HEXB: variants seen among roughly 807,000 people sequenced by gnomAD.
HEXB encodes the protein beta-hexosaminidase subunit beta.
Under a neutral mutation model 71.2 loss-of-function variants are expected in HEXB, and 51 were observed. The ratio of observed to expected loss-of-function variants is 0.72; its 90% CI spans 0.57 to 0.90. HEXB has a LOEUF of 0.90. Among genes scored for constraint, HEXB ranks in the 40% least tolerant of loss-of-function variants. The pLI is 0.00. For missense variants in HEXB, 617 were observed against 677.0 expected (o/e 0.91, Z 0.98); for synonymous variants, 266 against 249.3 (o/e 1.07, Z -0.63).
intron 1 of HEXB, among the ~76,000 whole-genome samples, chr5:74,668,801 T>A (rs1561207438): frequency 2.0e-5 from 3 of 152,244 alleles, no homozygotes. Flanking sequence ...CTATGAAGGA[T>A]TGTGTCTCCT....
At position 74,641,297 on chromosome 5, in the gene HEXB, C is replaced by A. The variant is rs1747873781; in HGVS notation, c.-377+739C>A. 6.6e-6 allele frequency: 1 copy of A among 152,432 alleles called. No homozygotes were observed. The highest frequency in any genetic ancestry group is 2.4e-5 in the African/African-American group (1 of 41,460). The allele number at this position is 152,432 out of a possible 1,614,324, so 9.4% of individuals were successfully genotyped here. A position where few individuals can be genotyped will look rare whatever the true frequency, so the allele number is the denominator to read the frequency against. On this transcript the variant is annotated intron_variant, in intron 1 of 13. Coordinates refer to the HEXB transcript ENST00000511181. The surrounding 1 kb of genome is among the most constrained non-coding windows in gnomAD (Gnocchi z 4.1). ...AAAGTCTGGACAGTTTAGGGACACTCGGGTTGAGCAAGCCAGGACGTTTAA... is the reference window on the plus strand; with the variant it reads ...AAAGTCTGGACAGTTTAGGGACACTAGGGTTGAGCAAGCCAGGACGTTTAA...
intron 6 of HEXB, among the ~76,000 whole-genome samples, chr5:74,706,610 G>T (rs369226613): frequency 1.7e-3 from 263 of 152,288 alleles, no homozygotes; most frequent in Non-Finnish European, 3.2e-3. Flanking sequence ...GTGCTTTTCC[G>T]ACGGGCTTAG....
At chr5:74,663,335 C>T (rs951249360) in intron 1 of HEXB, among the ~76,000 whole-genome samples, 6 of 151,668 alleles carry the variant, frequency 4.0e-5, no homozygotes, top group South Asian at 4.1e-4. Flanking sequence ...GGAGTACAGG[C>T]GCCCGCCACC....
At chr5:74,689,097 T>C (rs1748937063) in intron 1 of HEXB, among the ~76,000 whole-genome samples, 1 of 152,170 alleles carries the variant, frequency 6.6e-6, no homozygotes. Context: ...CATTTAAAAT[T>C]CCCATGCCTG....
chr5:74,691,832 T>C (rs923965160), intron 2 of HEXB, among the ~76,000 whole-genome samples: 1 of 152,202 alleles, frequency 6.6e-6, no homozygotes, highest in African/African-American at 2.4e-5. Flanking sequence ...GTATTTATGG[T>C]GCAAAAAGAT....
chr5:74,679,738 T>C (rs1018494716), intron 1 of HEXB, among the ~76,000 whole-genome samples: 2 of 136,688 alleles, frequency 1.5e-5, no homozygotes, highest in African/African-American at 2.8e-5. Context: ...AGGCAGAGGT[T>C]GCAGTGATCC....
chr5:74,655,132 G>A (rs1239876597), intron 1 of HEXB, among the ~76,000 whole-genome samples: 3 of 152,064 alleles, frequency 2.0e-5, no homozygotes, highest in Non-Finnish European at 2.9e-5. Flanking sequence ...GTTTCTCCTT[G>A]GTTTTGAGTG....
intron 13 of HEXB, 140 bp from the exon 14 acceptor site, chr5:74,720,978 C>G: frequency 1.2e-6 from 1 of 853,932 alleles, no homozygotes; most frequent in Non-Finnish European, 1.9e-6. Flanking sequence ...CTTTAATTTT[C>G]TTCCCTTATT....
At position 74,685,291 on chromosome 5, in the gene HEXB, C is replaced by T; in HGVS notation, c.31C>T (p.Pro11Ser). 2 of 1,551,700 alleles carry T rather than the reference C, an allele frequency of 1.3e-6. No homozygotes were observed. Among genetic ancestry groups the T allele is most frequent in the East Asian group, 2.4e-5 (1 of 41,482 alleles). MELCGLGLPR[P>S]PMLLALLLAT... ...GCTGTGCGGGCTGGGGCTGCCCCGGCCGCCCATGCTGCTGGCGCTGCTGTT... is the reference window on the plus strand; with the variant it reads ...GCTGTGCGGGCTGGGGCTGCCCCGGTCGCCCATGCTGCTGGCGCTGCTGTT... The change falls in exon 1 of 14, where the codon CCG becomes TCG. Residue 11 changes from proline (P) to serine (S), a missense_variant. Coordinates refer to ENST00000261416, the MANE Select transcript of HEXB (RefSeq NM_000521.4).
At chr5:74,674,605 G>GAAAA (rs1199567534) in intron 1 of HEXB, among the ~76,000 whole-genome samples, 2,858 of 94,680 alleles carry the variant, frequency 0.03, 115 homozygotes, top group African/African-American at 0.11. Context: ...CTCTGTCTCA[G>GAAAA]AAAAAAAAAA....
intron 1 of HEXB, among the ~76,000 whole-genome samples, chr5:74,644,764 C>CTTTTTTTTTTTTTTTTTT (rs3058406): frequency 6.9e-5 from 5 of 72,952 alleles, no homozygotes; most frequent in Non-Finnish European, 9.3e-5. Context: ...CTTTTTTTTC[C>CTTTTTTTTTTTTTTTTTT]TTTTTTTTTT....
intron 1 of HEXB, among the ~76,000 whole-genome samples, chr5:74,667,043 T>C (rs893142668): frequency 6.6e-6 from 1 of 152,164 alleles, no homozygotes; most frequent in Non-Finnish European, 1.5e-5. Context: ...ACAACCTTGC[T>C]ACCAGGTTGC....
At chr5:74,715,729 A>AAG in intron 8 of HEXB, 39 bp downstream of exon 8, 2 of 1,424,456 alleles carry the variant, frequency 1.4e-6, no homozygotes, top group South Asian at 1.2e-5. Context: ...AAAAAAAAAA[A>AAG]AGAGAGGCTG....
rs376596248 is a variant in HEXB at position 74,702,276 on chromosome 5, C to T, written c.670-2943C>T. On this transcript the variant is annotated intron_variant, in intron 5 of 13. Transcript: ENST00000261416. Reference sequence around the variant, plus strand: ...TGTATTTTTAGTAGAGACGGGGTTTCACCGTTTTAGCCGGGATGGTCTCGA... The same window carrying T: ...TGTATTTTTAGTAGAGACGGGGTTTTACCGTTTTAGCCGGGATGGTCTCGA... 2.3e-4 allele frequency among the ~76,000 whole-genome samples: 35 copies of T among 151,182 alleles called. No homozygotes were observed. In the East Asian group the frequency reaches 5.5e-3, roughly 24 times the overall value.
chr5:74,715,883 G>C (rs563185289), intron 8 of HEXB, among the ~76,000 whole-genome samples, 193 bp downstream of exon 8: 1 of 151,978 alleles, frequency 6.6e-6, no homozygotes, highest in Admixed American at 6.6e-5. Flanking sequence ...TGGGCGTGGT[G>C]GTGGGTACCT....
At chr5:74,712,837 G>C (rs1226181582) in intron 6 of HEXB, among the ~76,000 whole-genome samples, 1 of 152,074 alleles carries the variant, frequency 6.6e-6, no homozygotes, top group Non-Finnish European at 1.5e-5. Flanking sequence ...TGAGAAATGT[G>C]CTAAGGAACA....
intron 1 of HEXB, 36 bp downstream of exon 1, chr5:74,685,595 G>A (rs1748847810): frequency 6.6e-7 from 1 of 1,517,944 alleles, no homozygotes; most frequent in Non-Finnish European, 8.8e-7. Flanking sequence ...GTTGTCCTGG[G>A]GGAGGGGAGA....
intron 5 of HEXB, among the ~76,000 whole-genome samples, chr5:74,701,277 G>A (rs1001278799): frequency 6.6e-6 from 1 of 151,818 alleles, no homozygotes; most frequent in Non-Finnish European, 1.5e-5. Context: ...CTACAACAAG[G>A]ATATAAATAT....
At chr5:74,682,903 G>C (rs975421635), upstream of HEXB, among the ~76,000 whole-genome samples, 4 of 152,150 alleles carry the variant, frequency 2.6e-5, no homozygotes, top group Admixed American at 2.0e-4. Flanking sequence ...AAGCATAACA[G>C]ATTTATTTAA....
Sources: allele counts gnomAD v4.1 joint callset (sites outside exome capture counted in the v4.1 genomes callset), GRCh38; gene constraint gnomAD v4.1.1; non-coding constraint Gnocchi (gnomAD v3.1); transcripts MANE v1.5; gene names NCBI Gene and HGNC (gene_info 2026-07-23, HGNC 2026-07-21).